The following TEC variants were observed in gnomAD, a reference collection of about 807,000 sequenced individuals.
The protein encoded by TEC is tyrosine-protein kinase Tec.
A neutral mutation model predicts 93.0 loss-of-function variants in TEC; 72 were observed. The observed-to-expected ratio is 0.77, with a 90% CI of 0.64 to 0.94. TEC has a LOEUF of 0.94. Among genes scored for constraint, TEC ranks in the 40% least tolerant of loss-of-function variants. The pLI, the probability that TEC is intolerant of heterozygous loss-of-function variation, is 0.00. For missense variants in TEC, 630 were observed against 757.9 expected (o/e 0.83, Z 1.98); for synonymous variants, 249 against 247.7 (o/e 1.01, Z -0.05).
intron 1 of TEC, among the ~76,000 whole-genome samples, chr4:48,236,940 G>T (rs962443973): frequency 1.3e-5 from 2 of 152,066 alleles, no homozygotes; most frequent in Admixed American, 1.3e-4. Flanking sequence ...TATGCCAATG[G>T]CCCTGATCTG....
chr4:48,191,374 C>G (rs890407576), intron 2 of TEC, among the ~76,000 whole-genome samples: 1 of 152,096 alleles, frequency 6.6e-6, no homozygotes, highest in African/African-American at 2.4e-5. Flanking sequence ...TTTTCTTATA[C>G]AGTTCAATAA....
At chr4:48,149,531 G>A in intron 11 of TEC, 26 bp downstream of exon 11, 1 of 1,567,060 alleles carries the variant, frequency 6.4e-7, no homozygotes, top group South Asian at 1.2e-5. Flanking sequence ...CCTTATATTT[G>A]AAGTAGGTTT....
chr4:48,189,295 G>A (rs17574585), intron 2 of TEC, among the ~76,000 whole-genome samples: 6,473 of 151,946 alleles, frequency 0.043, 177 homozygotes, highest in South Asian at 0.062. Flanking sequence ...TGCCTAACAC[G>A]CTCCCAACAC....
chr4:48,202,798 G>A (rs1722575567), intron 2 of TEC, among the ~76,000 whole-genome samples: 1 of 152,172 alleles, frequency 6.6e-6, no homozygotes, highest in Non-Finnish European at 1.5e-5. Context: ...ATATAAGCTA[G>A]GGAGTGACAG....
intron 14 of TEC, among the ~76,000 whole-genome samples, chr4:48,144,668 T>C (rs1273316802): frequency 6.6e-6 from 1 of 152,216 alleles, no homozygotes; most frequent in East Asian, 1.9e-4. Flanking sequence ...CTTTTTATAG[T>C]GTGTGAGGTG....
At chr4:48,160,642 G>A (rs553705412) in intron 8 of TEC, among the ~76,000 whole-genome samples, 4 of 150,968 alleles carry the variant, frequency 2.6e-5, no homozygotes, top group South Asian at 4.2e-4. Context: ...CAGGAGAATT[G>A]CTTGAACCTG....
intron 8 of TEC, among the ~76,000 whole-genome samples, chr4:48,162,803 C>T (rs1720725898): frequency 6.6e-6 from 1 of 152,148 alleles, no homozygotes; most frequent in Admixed American, 6.5e-5. Context: ...AGCATCAATA[C>T]ACCACCTCAG....
At chr4:48,141,440 G>A (rs766705160) in intron 14 of TEC, 21 bp from the exon 15 acceptor site, 4 of 1,607,428 alleles carry the variant, frequency 2.5e-6, no homozygotes, top group South Asian at 1.1e-5. Context: ...ACATTATGAT[G>A]GTATATTAGT....
At chr4:48,265,622 C>T (rs1724622584) in intron 1 of TEC, among the ~76,000 whole-genome samples, 1 of 151,422 alleles carries the variant, frequency 6.6e-6, no homozygotes, top group African/African-American at 2.4e-5. Context: ...AAGCAATTCT[C>T]CTGCCTCAGC....
intron 1 of TEC, among the ~76,000 whole-genome samples, chr4:48,257,688 A>G (rs979743617): frequency 6.6e-6 from 1 of 152,158 alleles, no homozygotes; most frequent in Non-Finnish European, 1.5e-5. Context: ...TGCCCAATAG[A>G]TATTTGGGAT....
chr4:48,166,245 G>GC (rs55649419), intron 7 of TEC, among the ~76,000 whole-genome samples: 4 of 151,816 alleles, frequency 2.6e-5, no homozygotes, highest in African/African-American at 7.3e-5. Flanking sequence ...AAGAGAGGTA[G>GC]CCCCCCCAGA....
rs1472135300 is a variant in TEC, at chr4:48,136,754, T to C, written c.*662A>G. On this transcript the variant is annotated 3_prime_UTR_variant, in exon 18 of 18. Transcript: ENST00000381501. ...GGCACAGTCTCTAGTCCTAAGAAGG[T>C]GAACTCCTATACTACAGGATTAAAA... The C allele has an allele frequency of 6.6e-6, 1 of 152,078 alleles. No individual in the cohort carries two copies. The highest frequency in any genetic ancestry group is 1.5e-5 in the Non-Finnish European group (1 of 68,014). The allele number at this position is 152,078 out of a possible 1,614,324, so 9.4% of individuals were successfully genotyped here. A position where few individuals can be genotyped will look rare whatever the true frequency, so the allele number is the denominator to read the frequency against.
intron 2 of TEC, among the ~76,000 whole-genome samples, chr4:48,192,911 T>C (rs1722141726): frequency 6.6e-6 from 1 of 152,176 alleles, no homozygotes; most frequent in Non-Finnish European, 1.5e-5. Context: ...GCAGGTCTAA[T>C]AAAGGTCACC....
intron 3 of TEC, among the ~76,000 whole-genome samples, chr4:48,175,093 G>A (rs1423220177): frequency 6.6e-6 from 1 of 152,158 alleles, no homozygotes; most frequent in Non-Finnish European, 1.5e-5. Context: ...TCAGAGAAAT[G>A]GTAGCTATAA....
intron 9 of TEC, among the ~76,000 whole-genome samples, chr4:48,154,878 T>C (rs1720329375): frequency 6.6e-6 from 1 of 152,158 alleles, no homozygotes; most frequent in Admixed American, 6.5e-5. Flanking sequence ...AGCCCAAAAT[T>C]AGTTTGCTAT....
At chr4:48,157,943 T>C (rs1012735236) in intron 8 of TEC, among the ~76,000 whole-genome samples, 12 of 152,248 alleles carry the variant, frequency 7.9e-5, no homozygotes, top group Non-Finnish European at 5.9e-5. Flanking sequence ...TTTAAGCAAA[T>C]AGGCTATAAG....
chr4:48,213,351 A>C (rs1357139724), intron 2 of TEC, among the ~76,000 whole-genome samples: 2 of 152,242 alleles, frequency 1.3e-5, no homozygotes, highest in Non-Finnish European at 2.9e-5. Context: ...ACTTTGAGAA[A>C]GTTTTCTAAT....
intron 8 of TEC, 63 bp downstream of exon 8, chr4:48,163,639 T>C: frequency 9.2e-7 from 1 of 1,090,138 alleles, no homozygotes. Flanking sequence ...CAAAATGCCT[T>C]ACATAATTAG....
chr4:48,180,794 C>G (rs1344371121), intron 2 of TEC, among the ~76,000 whole-genome samples: 1 of 152,120 alleles, frequency 6.6e-6, no homozygotes, highest in Non-Finnish European at 1.5e-5. Flanking sequence ...AGCAGTTTTA[C>G]ATGGAGAATC....
Sources: allele counts gnomAD v4.1 joint callset (sites outside exome capture counted in the v4.1 genomes callset), GRCh38; gene constraint gnomAD v4.1.1; transcripts MANE v1.5; gene names NCBI Gene and HGNC (gene_info 2026-07-23, HGNC 2026-07-21).